UBE2E1: variants seen among roughly 807,000 people sequenced by gnomAD.
UBE2E1 encodes the protein ubiquitin-conjugating enzyme E2 E1.
A neutral mutation model predicts 21.4 loss-of-function variants in UBE2E1; 6 were observed. The ratio of observed to expected loss-of-function variants is 0.28; its 90% CI spans 0.15 to 0.55. UBE2E1 has a LOEUF of 0.55. UBE2E1 is among the 20% of genes least tolerant of loss of function. UBE2E1 has a pLI of 0.93. For missense variants in UBE2E1, 142 were observed against 236.5 expected, an observed-to-expected ratio of 0.60 and a Z score of 2.62; for synonymous variants, 87 against 82.7, an observed-to-expected ratio of 1.05 and a Z score of -0.28.
In UBE2E1 at chr3:23,887,314, T is replaced by C. The variant is rs984215688; in HGVS notation, c.204-253T>C. On this transcript the variant is annotated intron_variant, in intron 3 of 5. Coordinates refer to ENST00000306627, the MANE Select transcript of UBE2E1 (RefSeq NM_003341.5). This position sits in a 1 kb window ranked among gnomAD's most constrained non-coding sequence, Gnocchi z 4.4. ...TACGTGTCCAGGAGAGTTTTGAGAA[T>C]TGAGGAAAGTTTCCTGCTTATTCGT... Among the ~76,000 whole-genome samples, 2 of 152,192 alleles carry C rather than the reference T, an allele frequency of 1.3e-5. No individual in the cohort carries two copies. The highest frequency in any genetic ancestry group is 6.5e-5 in the Admixed American group (1 of 15,280).
intron 2 of UBE2E1, among the ~76,000 whole-genome samples, chr3:23,811,213 G>T (rs1014821271): frequency 2.1e-4 from 32 of 152,190 alleles, no homozygotes; most frequent in Admixed American, 2.1e-3. Flanking sequence ...AACTGCCCTG[G>T]TGTGCGAGGC....
chr3:23,830,179 G>C (rs986139310), intron 3 of UBE2E1, among the ~76,000 whole-genome samples: 1 of 152,034 alleles, frequency 6.6e-6, no homozygotes, highest in African/African-American at 2.4e-5. Context: ...GGCCATGCTT[G>C]CTTCTAGTTA....
chr3:23,870,994 G>A lies in UBE2E1; in HGVS notation c.204-16573G>A, dbSNP rs1484032178. On this transcript the variant is annotated intron_variant, in intron 3 of 5. Transcript: ENST00000306627. The surrounding 1 kb of genome is among the most constrained non-coding windows in gnomAD (Gnocchi z 4.2). The stretch of plus-strand genomic sequence containing the variant: ...TGTTTCAGAGGGCACAGGGTTGGGG[G>A]TAAGGTCACAGATCAACAGGATCCC... Among the ~76,000 whole-genome samples the A allele has an allele frequency of 6.6e-6, 1 of 152,206 alleles. No homozygotes were observed. The highest frequency in any genetic ancestry group is 2.4e-5 in the African/African-American group (1 of 41,432).
Position 23,836,905 on chromosome 3 carries a change from T to C in UBE2E1, c.203+25395T>C, listed in dbSNP as rs1699985928. Among the ~76,000 whole-genome samples, 3 of 152,226 alleles carry C rather than the reference T, an allele frequency of 2.0e-5. No individual in the cohort carries two copies. Among genetic ancestry groups the C allele is most frequent in the African/African-American group, 4.8e-5 (2 of 41,454 alleles). On this transcript the variant is annotated intron_variant, in intron 3 of 5. Transcript: ENST00000306627. The surrounding 1 kb of genome is among the most constrained non-coding windows in gnomAD (Gnocchi z 4.1). Reference sequence around the variant, plus strand: ...ACTCATGATGAAGAAGATAAAGCTCTTGTTAAGTAGTTTATGGTCTATCAT... The same window carrying C: ...ACTCATGATGAAGAAGATAAAGCTCCTGTTAAGTAGTTTATGGTCTATCAT...
chr3:23,880,286 G>C (rs1340184083), intron 3 of UBE2E1, among the ~76,000 whole-genome samples: 1 of 152,224 alleles, frequency 6.6e-6, no homozygotes, highest in Non-Finnish European at 1.5e-5. Context: ...AGGAGGCTGA[G>C]GCAGGAGAAT....
chr3:23,842,436 G>A lies in UBE2E1; in HGVS notation c.203+30926G>A, dbSNP rs1481677547. On this transcript the variant is annotated intron_variant, in intron 3 of 5. Coordinates refer to ENST00000306627, the MANE Select transcript of UBE2E1 (RefSeq NM_003341.5). This position sits in a 1 kb window ranked among gnomAD's most constrained non-coding sequence, Gnocchi z 4.6. ...AATTTTTCTATTTTTTTGTGGAGAC[G>A]GAGTCGTGCCATGTTGCCCGGCCTG... Among the ~76,000 whole-genome samples the A allele has an allele frequency of 2.6e-5, 4 of 152,022 alleles. No homozygotes were observed. The highest frequency in any genetic ancestry group is 5.9e-5 in the Non-Finnish European group (4 of 68,012).
intron 3 of UBE2E1, among the ~76,000 whole-genome samples, chr3:23,821,361 G>A (rs770592955): frequency 6.6e-6 from 1 of 152,256 alleles, no homozygotes; most frequent in Non-Finnish European, 1.5e-5. Context: ...CTGGGACAGA[G>A]GGAAGGTAAA....
At chr3:23,830,773 A>G (rs1235060087) in intron 3 of UBE2E1, among the ~76,000 whole-genome samples, 1 of 152,236 alleles carries the variant, frequency 6.6e-6, no homozygotes, top group Admixed American at 6.5e-5. Context: ...GAGTGGTCTC[A>G]TTGAAACATC....
At chr3:23,848,193 G>A (rs1165389342) in intron 3 of UBE2E1, among the ~76,000 whole-genome samples, 3 of 152,182 alleles carry the variant, frequency 2.0e-5, no homozygotes, top group Non-Finnish European at 4.4e-5. Flanking sequence ...TCTAGGCTGG[G>A]CGTAATAGCT....
intron 3 of UBE2E1, among the ~76,000 whole-genome samples, chr3:23,829,906 A>C (rs1050881178): frequency 3.9e-5 from 6 of 152,100 alleles, no homozygotes; most frequent in Admixed American, 1.3e-4. Flanking sequence ...GTTTGCTGCT[A>C]TTTCGGAATT....
chr3:23,810,517 G>GGGGAAAAGCAGGTCC lies in UBE2E1; in HGVS notation c.153-939_153-925dup. The GGGGAAAAGCAGGTCC allele has an allele frequency of 6.5e-7, 1 of 1,535,116 alleles. No homozygotes were observed. Among genetic ancestry groups the GGGGAAAAGCAGGTCC allele is most frequent in the South Asian group, 1.2e-5 (1 of 84,038 alleles). ...GACCCCGGGAAGTTAGAGGACGCCC[G>GGGGAAAAGCAGGTCC]GGGAAAAGCAGGTCCGGGGAGGTGG... On this transcript the variant is annotated intron_variant, in intron 2 of 5. Coordinates refer to ENST00000306627, the MANE Select transcript of UBE2E1 (RefSeq NM_003341.5). This position sits in a 1 kb window ranked among gnomAD's most constrained non-coding sequence, Gnocchi z 5.8.
At chr3:23,828,319 G>T (rs1699797633) in intron 3 of UBE2E1, among the ~76,000 whole-genome samples, 1 of 152,100 alleles carries the variant, frequency 6.6e-6, no homozygotes, top group Admixed American at 6.6e-5. Context: ...TAAATACAGT[G>T]TTTTAATCTT....
At chr3:23,889,010 A>T (rs947486565) in intron 4 of UBE2E1, 102 bp from the exon 5 acceptor site, 18 of 1,235,308 alleles carry the variant, frequency 1.5e-5, no homozygotes, top group Non-Finnish European at 2.0e-5. Context: ...GACAGCTTTA[A>T]TTAAAACTGC....
At chr3:23,878,682 G>A (rs1700973128) in intron 3 of UBE2E1, among the ~76,000 whole-genome samples, 1 of 152,202 alleles carries the variant, frequency 6.6e-6, no homozygotes, top group Non-Finnish European at 1.5e-5. Context: ...TCATGTGAGG[G>A]ATCTAGGTTG....
intron 3 of UBE2E1, among the ~76,000 whole-genome samples, chr3:23,812,067 C>G (rs1699406390): frequency 6.6e-6 from 1 of 151,942 alleles, no homozygotes. Flanking sequence ...TTTTCACTTG[C>G]TTTATTCAGA....
chr3:23,883,719 C>T (rs1334842295), intron 3 of UBE2E1, among the ~76,000 whole-genome samples: 1 of 151,698 alleles, frequency 6.6e-6, no homozygotes, highest in Non-Finnish European at 1.5e-5. Flanking sequence ...AGTTTGAGAC[C>T]GGTCTAGCCA....
At chr3:23,879,300 T>G (rs1700983443) in intron 3 of UBE2E1, 3 of 888,942 alleles carry the variant, frequency 3.4e-6, no homozygotes, top group Admixed American at 2.0e-5. Flanking sequence ...AGGGACTGTT[T>G]TAGAATTTGC....
chr3:23,807,553 C>CTTCCAAGGCCCTT, intron 2 of UBE2E1, 132 bp downstream of exon 2: 1 of 1,108,568 alleles, frequency 9.0e-7, no homozygotes, highest in Non-Finnish European at 1.2e-6. Context: ...GAAAGAAGGG[C>CTTCCAAGGCCCTT]CTTGGAAGCC....
Position 23,816,706 on chromosome 3 carries a change from C to CAA in UBE2E1, c.203+5204_203+5205dup, listed in dbSNP as rs145735853. Among the ~76,000 whole-genome samples the CAA allele has an allele frequency of 6.7e-6, 1 of 149,138 alleles. No individual in the cohort carries two copies. The highest frequency in any genetic ancestry group is 1.5e-5 in the Non-Finnish European group (1 of 67,286). On this transcript the variant is annotated intron_variant, in intron 3 of 5. Transcript: ENST00000306627. This position sits in a 1 kb window ranked among gnomAD's most constrained non-coding sequence, Gnocchi z 4.8. ...TGGGCAACAAAGCGAGGCTCCATCT[C>CAA]AAAAAAAAAGGTTATACTAAGTGAA...
Sources: gnomAD v4.1 joint callset for allele counts (sites outside exome capture counted in the v4.1 genomes callset) on GRCh38, gnomAD v4.1.1 for gene constraint, Gnocchi (gnomAD v3.1) non-coding constraint, MANE v1.5 for transcripts, NCBI Gene and HGNC (gene_info 2026-07-23, HGNC 2026-07-21) for gene names.